ABTB2: variants seen among roughly 807,000 people sequenced by gnomAD.
ABTB2 encodes the protein ankyrin repeat and BTB/POZ domain-containing protein 2.
In ABTB2, 56 loss-of-function variants were observed where a neutral mutation model predicts 104.1. The observed-to-expected ratio is 0.54, with a 90% CI of 0.43 to 0.67. The LOEUF (loss-of-function observed/expected upper bound fraction) is 0.67. Among genes scored for constraint, ABTB2 ranks in the 30% least tolerant of loss-of-function variants. ABTB2 has a pLI of 0.00. For synonymous variants in ABTB2, 606 were observed against 608.2 expected, an observed-to-expected ratio of 1.00 and a Z score of 0.05; for missense variants, 1,279 against 1,407.7, an observed-to-expected ratio of 0.91 and a Z score of 1.46.
rs112801154 is a variant in ABTB2 at position 34,356,706 on chromosome 11, G to A, written c.878C>T (p.Ala293Val). 53 of 1,588,436 alleles carry A rather than the reference G, an allele frequency of 3.3e-5. No homozygotes were observed. Among genetic ancestry groups the A allele is most frequent in the Admixed American group, 5.1e-5 (3 of 58,984 alleles). ...TCCGAGGCCCGCGCGCTTACCATTG[G>A]CGTTCTTGCCGCAGATGAGATGCTC... The part of the protein sequence containing the change: ...PYEHLICGKN[A>V]NGVLSLPAYF... Residue 293 changes from alanine to valine, a missense_variant, in exon 1 of 17, where the codon GCC becomes GTC. Physicochemically the swap from Ala to Val is moderately conservative, Grantham distance 64 (BLOSUM62 0). Transcript: ENST00000435224. This position sits in a 1 kb window ranked among gnomAD's most constrained non-coding sequence, Gnocchi z 4.6.
chr11:34,299,289 A>G lies in ABTB2; in HGVS notation c.883+57412T>C, dbSNP rs551180499. 2.6e-5 allele frequency among the ~76,000 whole-genome samples: 4 copies of G among 152,220 alleles called. No homozygotes were observed. The South Asian group carries it at 6.2e-4, about 24-fold the overall frequency. On this transcript the variant is annotated intron_variant, in intron 1 of 16. Transcript: ENST00000435224. ...ATGAAAAATAAGCTGTCTTCGGATC[A>G]TTTCTAGGACACGGCTATACACGAT... is the stretch of plus-strand genomic sequence containing the variant.
chr11:34,265,718 C>T lies in ABTB2; in HGVS notation c.884-61028G>A, dbSNP rs1457392821. ...GCACGGTGGCTCATGCCTGTAAACC[C>T]AACAATTTAGGAGGCCGAGGTGGGT... On this transcript the variant is annotated intron_variant, in intron 1 of 16. Transcript: ENST00000435224. 2.0e-5 allele frequency among the ~76,000 whole-genome samples: 3 copies of T among 147,986 alleles called. No homozygotes were observed. In the East Asian group the frequency reaches 6.0e-4, roughly 29 times the overall value.
chr11:34,355,274 A>G (rs1855452267), intron 1 of ABTB2, among the ~76,000 whole-genome samples: 1 of 152,192 alleles, frequency 6.6e-6, no homozygotes, highest in Non-Finnish European at 1.5e-5. Flanking sequence ...AAAAACAAAC[A>G]AACAAACAAC....
intron 1 of ABTB2, among the ~76,000 whole-genome samples, chr11:34,232,460 A>C (rs2957511): frequency 0.41 from 60,719 of 147,408 alleles, 13,796 homozygotes; most frequent in Middle Eastern, 0.57. Context: ...AAAAAAAAAA[A>C]AAAAAATTGT....
chr11:34,250,724 C>T (rs1183587085), intron 1 of ABTB2, among the ~76,000 whole-genome samples: 1 of 152,198 alleles, frequency 6.6e-6, no homozygotes, highest in Non-Finnish European at 1.5e-5. Flanking sequence ...AGAGAGAGAG[C>T]ACCAACCCCA....
intron 9 of ABTB2, among the ~76,000 whole-genome samples, chr11:34,163,301 C>G (rs1475509753): frequency 6.6e-6 from 1 of 152,176 alleles, no homozygotes; most frequent in Non-Finnish European, 1.5e-5. Flanking sequence ...AGTAAGTACT[C>G]ATTTGGTCCC....
intron 1 of ABTB2, among the ~76,000 whole-genome samples, chr11:34,315,482 A>G (rs1260778231): frequency 1.3e-5 from 2 of 152,170 alleles, no homozygotes; most frequent in African/African-American, 4.8e-5. Context: ...GCAGCTAAAA[A>G]GCTCTGGGGA....
chr11:34,257,459 CTCAGATGAA>C (rs1854137811), intron 1 of ABTB2, among the ~76,000 whole-genome samples: 1 of 152,250 alleles, frequency 6.6e-6, no homozygotes, highest in African/African-American at 2.4e-5. Flanking sequence ...CCATCATATA[CTCAGATGAA>C]TCAGGTAGCC....
intron 4 of ABTB2, among the ~76,000 whole-genome samples, chr11:34,172,795 C>T (rs2473917): frequency 0.017 from 2,563 of 152,288 alleles, 73 homozygotes; most frequent in African/African-American, 0.058. Context: ...CCAGGAAGGG[C>T]TCCATGTGGT....
intron 1 of ABTB2, among the ~76,000 whole-genome samples, chr11:34,315,874 G>C (rs1854922594): frequency 6.6e-6 from 1 of 152,162 alleles, no homozygotes; most frequent in African/African-American, 2.4e-5. Flanking sequence ...CAGGTGCCAG[G>C]CATCTACCCC....
intron 1 of ABTB2, among the ~76,000 whole-genome samples, chr11:34,245,593 C>T (rs980180435): frequency 1.3e-5 from 2 of 152,172 alleles, no homozygotes; most frequent in African/African-American, 2.4e-5. Flanking sequence ...TTGCTTTTCT[C>T]CTCTGATCCA....
Position 34,237,258 on chromosome 11 carries a change from G to A in ABTB2, c.884-32568C>T, listed in dbSNP as rs553401321. Among the ~76,000 whole-genome samples the A allele has an allele frequency of 1.1e-3, 168 of 149,830 alleles. 1 individual carries two copies. Among genetic ancestry groups the A allele is most frequent in the African/African-American group, 3.8e-3 (155 of 40,718 alleles). ...TACTGATTACCACGGCTGTGTCCTC[G>A]TGATTTTCCTGGATATTCTTTTTTT... is the stretch of plus-strand genomic sequence containing the variant. On this transcript the variant is annotated intron_variant, in intron 1 of 16. Transcript: ENST00000435224.
Position 34,162,441 on chromosome 11 carries a change from T to C in ABTB2, c.2218+135A>G, listed in dbSNP as rs1003194117. The C allele has an allele frequency of 4.2e-6, 4 of 952,686 alleles. No homozygotes were observed. The African/African-American group carries it at 6.6e-5, about 16-fold the overall frequency. 59.0% of individuals were successfully genotyped at this position (952,686 alleles called of 1,614,324 possible). On this transcript the variant is annotated intron_variant, in intron 10 of 16. Transcript: ENST00000435224. ...GGGGGGTCCCAGCCTCCACCCAGTCTGTGCTCAGCTGCCCTGGGGCTTGTC... is the reference window on the plus strand; with the variant it reads ...GGGGGGTCCCAGCCTCCACCCAGTCCGTGCTCAGCTGCCCTGGGGCTTGTC...
intron 1 of ABTB2, among the ~76,000 whole-genome samples, chr11:34,309,470 G>A (rs1424862512): frequency 6.6e-6 from 1 of 152,170 alleles, no homozygotes; most frequent in East Asian, 1.9e-4. Context: ...GGGCATTACC[G>A]TGCTCAACAC....
At chr11:34,293,230 G>C (rs183720573) in intron 1 of ABTB2, among the ~76,000 whole-genome samples, 2 of 152,068 alleles carry the variant, frequency 1.3e-5, no homozygotes, top group African/African-American at 4.8e-5. Context: ...TCGAGGGGGG[G>C]CCCAGGGAGA....
intron 1 of ABTB2, among the ~76,000 whole-genome samples, chr11:34,326,112 T>G (rs1855067623): frequency 6.6e-6 from 1 of 152,138 alleles, no homozygotes; most frequent in African/African-American, 2.4e-5. Context: ...CTCTGTACTC[T>G]AATAGGCTAG....
intron 3 of ABTB2, among the ~76,000 whole-genome samples, chr11:34,173,874 G>C (rs1159687067): frequency 6.6e-6 from 1 of 152,194 alleles, no homozygotes; most frequent in Non-Finnish European, 1.5e-5. Flanking sequence ...TAGCACACGT[G>C]TGATACCTCC....
At chr11:34,165,716 C>T (rs1852791188) in intron 7 of ABTB2, among the ~76,000 whole-genome samples, 1 of 152,228 alleles carries the variant, frequency 6.6e-6, no homozygotes, top group African/African-American at 2.4e-5. Flanking sequence ...TAAACCATGG[C>T]TCTGGGTGGC....
chr11:34,235,878 A>T (rs1811785886), intron 1 of ABTB2, among the ~76,000 whole-genome samples: 1 of 152,226 alleles, frequency 6.6e-6, no homozygotes, highest in South Asian at 2.1e-4. Flanking sequence ...GGCAGAGCAG[A>T]GCCTGTTCCT....
Sources: allele counts gnomAD v4.1 joint callset (sites outside exome capture counted in the v4.1 genomes callset), GRCh38; gene constraint gnomAD v4.1.1; non-coding constraint Gnocchi (gnomAD v3.1); transcripts MANE v1.5; gene names NCBI Gene and HGNC (gene_info 2026-07-23, HGNC 2026-07-21).